Variants in CLN6 observed in about 807,000 individuals in gnomAD.
The protein encoded by CLN6 is ceroid-lipofuscinosis neuronal protein 6.
CLN6 carries 22 observed loss-of-function variants against 33.3 expected under a neutral mutation model. That is an observed-to-expected ratio of 0.66 (90% CI 0.47 to 0.94). The LOEUF (loss-of-function observed/expected upper bound fraction) is 0.94. Ranked by LOEUF, CLN6 falls within the 40% of genes least tolerant of loss-of-function variation. CLN6 has a pLI of 0.00. For synonymous variants in CLN6, 201 were observed against 174.6 expected, an observed-to-expected ratio of 1.15 and a Z score of -1.19; for missense variants, 387 against 417.1, an observed-to-expected ratio of 0.93 and a Z score of 0.63.
At chr15:68,225,357 T>C (rs1422279927) in intron 1 of CLN6, among the ~76,000 whole-genome samples, 1 of 152,194 alleles carries the variant, frequency 6.6e-6, no homozygotes, top group African/African-American at 2.4e-5. Flanking sequence ...AGATAAAACA[T>C]GGAAGATAAT....
At chr15:68,231,077 T>C (rs965300741), upstream of CLN6, among the ~76,000 whole-genome samples, 6 of 152,248 alleles carry the variant, frequency 3.9e-5, no homozygotes, top group Non-Finnish European at 7.3e-5. Flanking sequence ...GCTATGCCTA[T>C]TTCCATTCTA....
rs188651158 is a variant in CLN6, at chr15:68,219,650, T to C, written c.84-1000A>G. 7.0e-4 allele frequency among the ~76,000 whole-genome samples: 106 copies of C among 152,250 alleles called. No homozygotes were observed. Among genetic ancestry groups the C allele is most frequent in the African/African-American group, 2.4e-3 (98 of 41,550 alleles). On this transcript the variant is annotated intron_variant, in intron 1 of 6. Coordinates refer to ENST00000249806, the MANE Select transcript of CLN6 (RefSeq NM_017882.3). The surrounding 1 kb of genome is among the most constrained non-coding windows in gnomAD (Gnocchi z 4.2). ...AGGGAGCATTTCAACGCCAACCCAG[T>C]CTGGCATAATGGGGCTGGAGCTGTA...
intron 2 of CLN6, among the ~76,000 whole-genome samples, chr15:68,215,986 GTTT>G (rs2093219549): frequency 1.3e-5 from 2 of 151,994 alleles, no homozygotes; most frequent in Non-Finnish European, 2.9e-5. Flanking sequence ...ACTTGTAAAT[GTTT>G]TTGTTTTTAA....
In CLN6 at chr15:68,211,658, G is replaced by A; in HGVS notation, c.486+17C>T. The A allele has an allele frequency of 1.2e-6, 2 of 1,612,902 alleles. No homozygotes were observed. Among genetic ancestry groups the A allele is most frequent in the East Asian group, 2.2e-5 (1 of 44,878 alleles). ...TGCTCCTAGGGCTTACAGGCAGGGAGCAGGAGGTGGCCTCACCAGCGTCTC... is the reference window on the plus strand; with the variant it reads ...TGCTCCTAGGGCTTACAGGCAGGGAACAGGAGGTGGCCTCACCAGCGTCTC... On this transcript the variant is annotated intron_variant, in intron 4 of 6. Coordinates refer to ENST00000249806, the MANE Select transcript of CLN6 (RefSeq NM_017882.3). The surrounding 1 kb of genome is among the most constrained non-coding windows in gnomAD (Gnocchi z 5.9).
intron 2 of CLN6, 166 bp downstream of exon 2, chr15:68,218,370 T>G (rs1192017278): frequency 3.6e-5 from 21 of 590,902 alleles, no homozygotes; most frequent in Non-Finnish European, 5.9e-5. Flanking sequence ...GGCAGTTGCC[T>G]GACGGGCCAA....
Position 68,227,265 on chromosome 15 carries a change from C to T in CLN6, c.83+2237G>A, listed in dbSNP as rs1333243126. Among the ~76,000 whole-genome samples, 1 of 151,914 alleles carries T rather than the reference C, an allele frequency of 6.6e-6. No homozygotes were observed. ...TGTTGGCCAGGCTGGTCTCGAACTCCTGGACTCAAGTGATCCACCCACCTT... is the reference window on the plus strand; with the variant it reads ...TGTTGGCCAGGCTGGTCTCGAACTCTTGGACTCAAGTGATCCACCCACCTT... On this transcript the variant is annotated intron_variant, in intron 1 of 6. Transcript: ENST00000249806. This position sits in a 1 kb window ranked among gnomAD's most constrained non-coding sequence, Gnocchi z 4.1.
rs796052358 is a variant in CLN6, at chr15:68,208,370, A to C, written c.706T>G (p.Phe236Val). The C allele has an allele frequency of 1.1e-5, 17 of 1,613,816 alleles. No homozygotes were observed. Among genetic ancestry groups the C allele is most frequent in the Non-Finnish European group, 1.4e-5 (17 of 1,180,038 alleles). ...AGGGCCAGCATGGCGAAGAAGGTGA[A>C]GATGAAGAGGATGAAGATCTGGCCC... Reference protein sequence around the residue: ...TEGQIFILFIFTFFAMLALVL... With the variant: ...TEGQIFILFIVTFFAMLALVL... The change falls in exon 7 of 7, where the codon TTC becomes GTC. Residue 236 changes from phenylalanine (F) to valine (V), a missense_variant. Coordinates refer to ENST00000249806, the MANE Select transcript of CLN6 (RefSeq NM_017882.3). This position sits in a 1 kb window ranked among gnomAD's most constrained non-coding sequence, Gnocchi z 5.8.
At chr15:68,238,412 A>G (rs1892248700) in intron 1 of CLN6, among the ~76,000 whole-genome samples, 1 of 152,038 alleles carries the variant, frequency 6.6e-6, no homozygotes, top group Admixed American at 6.5e-5. Flanking sequence ...AAAAAAAAAA[A>G]GAAAAAGAAA....
chr15:68,246,227 C>T lies in CLN6; in HGVS notation c.179+10463G>A, dbSNP rs28410259. 0.011 allele frequency among the ~76,000 whole-genome samples: 1,693 copies of T among 152,240 alleles called. 35 individuals are homozygous for T. Among genetic ancestry groups the T allele is most frequent in the African/African-American group, 0.037 (1,518 of 41,498 alleles). ...CACTAGACCAAATAGGCCTAACTGA[C>T]GTTTACAGAACATTTCACCCAACTG... On this transcript the variant is annotated intron_variant, in intron 1 of 6. Transcript: ENST00000538696. This position sits in a 1 kb window ranked among gnomAD's most constrained non-coding sequence, Gnocchi z 4.5.
rs923916124 is a variant in CLN6, at chr15:68,220,215, C to G, written c.84-1565G>C. Among the ~76,000 whole-genome samples the G allele has an allele frequency of 6.6e-6, 1 of 152,184 alleles. No homozygotes were observed. The highest frequency in any genetic ancestry group is 1.5e-5 in the Non-Finnish European group (1 of 68,042). ...GCTAAGTCTTCCTGTCCCCTCTACTCGGTATCTTCCACCCCCTCACTGAAC... is the reference window on the plus strand; with the variant it reads ...GCTAAGTCTTCCTGTCCCCTCTACTGGGTATCTTCCACCCCCTCACTGAAC... On this transcript the variant is annotated intron_variant, in intron 1 of 6. Transcript: ENST00000249806. The surrounding 1 kb of genome is among the most constrained non-coding windows in gnomAD (Gnocchi z 4.2).
In CLN6 at chr15:68,209,894, T is replaced by G; in HGVS notation, c.543-135A>C. ...AACGCCTAGCCTGGGTGAGAGGCGC[T>G]CCTCTCCACCCAACCTTGCCTGTGC... is the stretch of plus-strand genomic sequence containing the variant. On this transcript the variant is annotated intron_variant, in intron 5 of 6. Coordinates refer to ENST00000249806, the MANE Select transcript of CLN6 (RefSeq NM_017882.3). This position sits in a 1 kb window ranked among gnomAD's most constrained non-coding sequence, Gnocchi z 4.9. 1 of 1,208,682 alleles carries G rather than the reference T, an allele frequency of 8.3e-7. No individual in the cohort carries two copies. The highest frequency in any genetic ancestry group is 1.2e-6 in the Non-Finnish European group (1 of 835,972). The allele number at this position is 1,208,682 out of a possible 1,614,324, so 74.9% of individuals were successfully genotyped here.
At position 68,208,817 on chromosome 15, in the gene CLN6, C is replaced by T. The variant is rs923034157; in HGVS notation, c.666-407G>A. Among the ~76,000 whole-genome samples, 8 of 152,336 alleles carry T rather than the reference C, an allele frequency of 5.3e-5. No homozygotes were observed. In the East Asian group the frequency reaches 5.8e-4, roughly 11 times the overall value. On this transcript the variant is annotated intron_variant, in intron 6 of 6. Transcript: ENST00000249806. The surrounding 1 kb of genome is among the most constrained non-coding windows in gnomAD (Gnocchi z 5.8). ...GGAAGCGCTCCCCTAACGTCTTTCC[C>T]GCTCACTGTAGCTGCCACCCATTCT...
chr15:68,215,815 T>C (rs148191773), intron 2 of CLN6, among the ~76,000 whole-genome samples: 43 of 152,252 alleles, frequency 2.8e-4, no homozygotes, highest in East Asian at 5.8e-4. Flanking sequence ...AATCCCATTA[T>C]GGTTAGAAGG....
At chr15:68,226,250 C>T (rs1384876377) in intron 1 of CLN6, among the ~76,000 whole-genome samples, 2 of 142,206 alleles carry the variant, frequency 1.4e-5, no homozygotes, top group South Asian at 2.4e-4. Context: ...ACCCGGGAGG[C>T]GGAGATTGCA....
At chr15:68,222,069 C>T (rs1179866183) in intron 1 of CLN6, among the ~76,000 whole-genome samples, 1 of 140,852 alleles carries the variant, frequency 7.1e-6, no homozygotes, top group East Asian at 2.2e-4. Flanking sequence ...CCGGCCACCC[C>T]GTCTGGGAAG....
rs993382143 is a variant in CLN6 at position 68,242,312 on chromosome 15, C to A, written c.179+14378G>T. On this transcript the variant is annotated intron_variant, in intron 1 of 6. Transcript: ENST00000538696. The surrounding 1 kb of genome is among the most constrained non-coding windows in gnomAD (Gnocchi z 5.0). ...AAAATTCATTAGAGACTCTCAACAG[C>A]AGAATGGATCAAGCAGAGGAAAGAA... Among the ~76,000 whole-genome samples, 1 of 151,894 alleles carries A rather than the reference C, an allele frequency of 6.6e-6. No individual in the cohort carries two copies. Among genetic ancestry groups the A allele is most frequent in the Non-Finnish European group, 1.5e-5 (1 of 67,998 alleles).
rs145992461 is a variant in CLN6 at position 68,235,507 on chromosome 15, T to C, written c.180-16857A>G. ...ATCACTTGAACCCAGGAGGCAAAGA[T>C]TGCATTGAGCCGAGATCGTGCCACT... On this transcript the variant is annotated intron_variant, in intron 1 of 6. Coordinates refer to the CLN6 transcript ENST00000538696. 7.8e-3 allele frequency among the ~76,000 whole-genome samples: 1,181 copies of C among 151,404 alleles called. 9 individuals are homozygous for C. Among genetic ancestry groups the C allele is most frequent in the Non-Finnish European group, 0.014 (938 of 67,938 alleles).
chr15:68,254,432 G>A (rs1252236895), intron 1 of CLN6: 1 of 275,532 alleles, frequency 3.6e-6, no homozygotes, highest in Non-Finnish European at 7.0e-6. Flanking sequence ...GAAATAAGAT[G>A]TGCTGTAAGT....
rs1892435512 is a variant in CLN6 at position 68,256,320 on chromosome 15, G to A, written c.179+370C>T. ...GGCGGGGTTTCACTATGTTGGCCAG[G>A]CTGGTTGAGAACTCCTGACCTCAAG... On this transcript the variant is annotated intron_variant, in intron 1 of 6. Coordinates refer to the CLN6 transcript ENST00000538696. The surrounding 1 kb of genome is among the most constrained non-coding windows in gnomAD (Gnocchi z 4.1). Among the ~76,000 whole-genome samples, 1 of 151,454 alleles carries A rather than the reference G, an allele frequency of 6.6e-6. No homozygotes were observed. The highest frequency in any genetic ancestry group is 2.4e-5 in the African/African-American group (1 of 41,218).
Sources: gnomAD v4.1 joint callset for allele counts (sites outside exome capture counted in the v4.1 genomes callset) on GRCh38, gnomAD v4.1.1 for gene constraint, Gnocchi (gnomAD v3.1) non-coding constraint, MANE v1.5 for transcripts, NCBI Gene and HGNC (gene_info 2026-07-23, HGNC 2026-07-21) for gene names.